The following GALNTL6 variants were observed in gnomAD, a reference collection of about 807,000 sequenced individuals.
GALNTL6 encodes the protein polypeptide N-acetylgalactosaminyltransferase-like 6.
A neutral mutation model predicts 73.7 loss-of-function variants in GALNTL6; 46 were observed. The ratio of observed to expected loss-of-function variants is 0.62; its 90% CI spans 0.49 to 0.80. The LOEUF is 0.80. GALNTL6 is among the 30% of genes least tolerant of loss of function. The pLI is 0.00. For missense variants in GALNTL6, 604 were observed against 755.0 expected, an observed-to-expected ratio of 0.80 and a Z score of 2.34; for synonymous variants, 259 against 263.7, an observed-to-expected ratio of 0.98 and a Z score of 0.17.
chr4:172,731,069 G>A (rs1421739764), intron 5 of GALNTL6, among the ~76,000 whole-genome samples: 6 of 138,058 alleles, frequency 4.3e-5, no homozygotes, highest in Non-Finnish European at 7.7e-5. Context: ...TACAGAGCAA[G>A]ACTCCATCTC....
At chr4:172,187,178 A>C (rs1461613598) in intron 2 of GALNTL6, among the ~76,000 whole-genome samples, 1 of 152,106 alleles carries the variant, frequency 6.6e-6, no homozygotes, top group Non-Finnish European at 1.5e-5. Flanking sequence ...TAACAGTTTC[A>C]TGATATTTAT....
At chr4:172,801,489 A>G (rs570756553) in intron 5 of GALNTL6, among the ~76,000 whole-genome samples, 11 of 152,190 alleles carry the variant, frequency 7.2e-5, no homozygotes, top group South Asian at 4.2e-4. Flanking sequence ...TTTTCATTTC[A>G]GGGACCTTAT....
chr4:172,763,927 A>C (rs1738254581), intron 5 of GALNTL6, among the ~76,000 whole-genome samples: 1 of 151,988 alleles, frequency 6.6e-6, no homozygotes, highest in Non-Finnish European at 1.5e-5. Context: ...TATTACTAAT[A>C]ATCAAAAAAG....
intron 5 of GALNTL6, among the ~76,000 whole-genome samples, chr4:172,762,691 C>T (rs999923451): frequency 6.6e-6 from 1 of 151,132 alleles, no homozygotes; most frequent in Non-Finnish European, 1.5e-5. Flanking sequence ...ATAACATGTC[C>T]TGCTGATCAT....
At chr4:172,574,797 G>A (rs1736899178) in intron 5 of GALNTL6, among the ~76,000 whole-genome samples, 1 of 151,926 alleles carries the variant, frequency 6.6e-6, no homozygotes, top group Non-Finnish European at 1.5e-5. Context: ...TAATTCCTTT[G>A]AATTTTATCT....
At chr4:172,753,023 T>C (rs1293606433) in intron 5 of GALNTL6, among the ~76,000 whole-genome samples, 3 of 152,306 alleles carry the variant, frequency 2.0e-5, no homozygotes, top group African/African-American at 7.2e-5. Flanking sequence ...TGATTCCACA[T>C]GTGAATTGAT....
chr4:172,103,711 A>C (rs1247767669), intron 2 of GALNTL6, among the ~76,000 whole-genome samples: 1 of 152,186 alleles, frequency 6.6e-6, no homozygotes, highest in East Asian at 1.9e-4. Context: ...CAGTAGGCTA[A>C]AGAGGATATC....
At chr4:172,183,565 T>G (rs1254872206) in intron 2 of GALNTL6, among the ~76,000 whole-genome samples, 1 of 152,230 alleles carries the variant, frequency 6.6e-6, no homozygotes, top group African/African-American at 2.4e-5. Flanking sequence ...CTCTGTGTTC[T>G]GTGATCTACA....
intron 3 of GALNTL6, among the ~76,000 whole-genome samples, chr4:172,294,754 T>C (rs1739604341): frequency 6.6e-6 from 1 of 152,208 alleles, no homozygotes; most frequent in East Asian, 1.9e-4. Context: ...ATGATTAAAA[T>C]GTTAACGTGT....
chr4:171,886,496 A>G lies in GALNTL6; in HGVS notation c.138+71778A>G, dbSNP rs867749239. 3.9e-5 allele frequency among the ~76,000 whole-genome samples: 6 copies of G among 152,236 alleles called. No homozygotes were observed. In the South Asian group the frequency reaches 1.0e-3, roughly 26 times the overall value. On this transcript the variant is annotated intron_variant, in intron 2 of 12. Coordinates refer to ENST00000506823, the MANE Select transcript of GALNTL6 (RefSeq NM_001034845.3). Reference sequence around the variant, plus strand: ...GTTTATGAGTAAAAAAGGATTTCATATTTCTTATGTTAATACATAAGTGTA... The same window carrying G: ...GTTTATGAGTAAAAAAGGATTTCATGTTTCTTATGTTAATACATAAGTGTA...
intron 2 of GALNTL6, among the ~76,000 whole-genome samples, chr4:171,956,567 C>G (rs950304178): frequency 6.6e-6 from 1 of 152,114 alleles, no homozygotes; most frequent in African/African-American, 2.4e-5. Flanking sequence ...TTTTTGATCA[C>G]TAATGATAAT....
intron 2 of GALNTL6, among the ~76,000 whole-genome samples, chr4:172,016,936 C>G (rs1378629492): frequency 6.6e-6 from 1 of 152,022 alleles, no homozygotes; most frequent in Non-Finnish European, 1.5e-5. Context: ...GTCACTGTCT[C>G]CTGTGGAATT....
chr4:172,885,642 A>G (rs1323961461), intron 8 of GALNTL6, among the ~76,000 whole-genome samples: 2 of 152,182 alleles, frequency 1.3e-5, no homozygotes, highest in African/African-American at 4.8e-5. Flanking sequence ...TCTAAATCTT[A>G]GTGGAAAGGC....
chr4:172,559,258 G>T (rs953565428), intron 5 of GALNTL6, among the ~76,000 whole-genome samples: 5 of 151,704 alleles, frequency 3.3e-5, no homozygotes, highest in Non-Finnish European at 7.4e-5. Flanking sequence ...TAGAGACGGG[G>T]TTTCACCATG....
chr4:172,212,668 A>G (rs1011733996), intron 2 of GALNTL6, among the ~76,000 whole-genome samples: 1 of 151,274 alleles, frequency 6.6e-6, no homozygotes, highest in Non-Finnish European at 1.5e-5. Context: ...TTATATTTTT[A>G]TTTTATTTTA....
intron 2 of GALNTL6, among the ~76,000 whole-genome samples, chr4:171,823,047 T>C (rs1393574097): frequency 6.6e-6 from 1 of 152,152 alleles, no homozygotes; most frequent in Non-Finnish European, 1.5e-5. Flanking sequence ...TCTGGATTTA[T>C]AGAAAAAGAA....
chr4:172,245,056 A>AT (rs1737575337), intron 3 of GALNTL6, among the ~76,000 whole-genome samples: 1 of 152,192 alleles, frequency 6.6e-6, no homozygotes, highest in Middle Eastern at 3.2e-3. Flanking sequence ...ATCAAGACGA[A>AT]AAAGATCAGA....
intron 10 of GALNTL6, among the ~76,000 whole-genome samples, chr4:172,998,402 T>C (rs1309555818): frequency 2.6e-5 from 4 of 152,258 alleles, no homozygotes; most frequent in East Asian, 1.9e-4. Context: ...AAATGAATTA[T>C]GTTAGGGCTT....
intron 5 of GALNTL6, among the ~76,000 whole-genome samples, chr4:172,601,174 A>G (rs192426977): frequency 4.2e-4 from 64 of 152,316 alleles, no homozygotes; most frequent in Non-Finnish European, 8.4e-4. Flanking sequence ...ATAAAAACTC[A>G]CTAGATGAAC....
Sources: gnomAD v4.1 joint callset for allele counts (sites outside exome capture counted in the v4.1 genomes callset) on GRCh38, gnomAD v4.1.1 for gene constraint, MANE v1.5 for transcripts, NCBI Gene and HGNC (gene_info 2026-07-23, HGNC 2026-07-21) for gene names.